TRIT1: variants seen among roughly 807,000 people sequenced by gnomAD.
TRIT1 encodes tRNA isopentenyltransferase 1.
In TRIT1, 43 loss-of-function variants were observed where a neutral mutation model predicts 51.2. That is an observed-to-expected ratio of 0.84 (90% confidence interval 0.66 to 1.08). The LOEUF is 1.08. TRIT1 is among the 50% of genes least tolerant of loss of function. The pLI is 0.00. For synonymous variants in TRIT1, 184 were observed against 203.9 expected, an observed-to-expected ratio of 0.90 and a Z score of 0.83; for missense variants, 528 against 578.4, an observed-to-expected ratio of 0.91 and a Z score of 0.89.
Position 39,857,379 on chromosome 1 carries a change from A to G in TRIT1, c.213T>C (p.Ser71=), listed in dbSNP as rs762508001. 3 of 1,614,098 alleles carry G rather than the reference A, an allele frequency of 1.9e-6. No homozygotes were observed. The highest frequency in any genetic ancestry group is 2.2e-5 in the South Asian group (2 of 91,088). The change falls in exon 2 of 11, where the codon TCT becomes TCC. Residue 71 remains serine, a synonymous_variant. Coordinates refer to ENST00000316891, the MANE Select transcript of TRIT1 (RefSeq NM_017646.6). ...GCCGGCAGATTCTCTGCTCTTGGGC[A>G]GAAACCTTGTTGGTGATGATGTCTA... ...EGLDIITNKV[S]AQEQRICRHH...
chr1:39,850,099 G>A lies in TRIT1; in HGVS notation c.703+20C>T. On this transcript the variant is annotated intron_variant, in intron 5 of 10. Coordinates refer to ENST00000316891, the MANE Select transcript of TRIT1 (RefSeq NM_017646.6). ...CAAGTTCCATCACAGATGGACTCTA[G>A]GGCATCAAAGGGCTGTTACCTGCCT... 1.2e-6 allele frequency: 2 copies of A among 1,613,552 alleles called. No individual in the cohort carries two copies. The highest frequency in any genetic ancestry group is 2.2e-5 in the South Asian group (2 of 90,984).
At chr1:39,859,512 G>T (rs1643114588) in intron 1 of TRIT1, among the ~76,000 whole-genome samples, 1 of 151,404 alleles carries the variant, frequency 6.6e-6, no homozygotes, top group South Asian at 2.1e-4. Context: ...GTGCCTGGAA[G>T]GCGGAGGCTG....
At chr1:39,842,010 T>G in intron 10 of TRIT1, 97 bp from the exon 11 acceptor site, 1 of 1,317,810 alleles carries the variant, frequency 7.6e-7, no homozygotes, top group Non-Finnish European at 1.0e-6. Context: ...TACAATGCTT[T>G]TCTTCAACAA....
At chr1:39,883,100 T>C (rs1162007476) in intron 1 of TRIT1, among the ~76,000 whole-genome samples, 1 of 152,210 alleles carries the variant, frequency 6.6e-6, no homozygotes, top group Non-Finnish European at 1.5e-5. Context: ...TAATAGTATC[T>C]ACCAAATAGT....
At chr1:39,869,719 C>A (rs998847856) in intron 1 of TRIT1, among the ~76,000 whole-genome samples, 1 of 152,044 alleles carries the variant, frequency 6.6e-6, no homozygotes, top group Non-Finnish European at 1.5e-5. Flanking sequence ...CCAGCCACGA[C>A]CCCATCTGGG....
chr1:39,873,385 A>C (rs901443740), intron 1 of TRIT1, among the ~76,000 whole-genome samples: 1 of 152,214 alleles, frequency 6.6e-6, no homozygotes, highest in African/African-American at 2.4e-5. Context: ...ACCAAAACCC[A>C]AATGGAGAGA....
rs58041605 is a variant in TRIT1 at position 39,864,597 on chromosome 1, C to CAA, written c.175-7182_175-7181dup. Among the ~76,000 whole-genome samples, 376 of 97,244 alleles carry CAA rather than the reference C, an allele frequency of 3.9e-3. 2 individuals are homozygous for CAA. Among genetic ancestry groups the CAA allele is most frequent in the Non-Finnish European group, 5.7e-3 (270 of 47,456 alleles). 63.8% of individuals were successfully genotyped at this position (97,244 alleles called of 152,430 possible). A position where few individuals can be genotyped will look rare whatever the true frequency, so the allele number is the denominator to read the frequency against. The stretch of plus-strand genomic sequence containing the variant: ...GCACTGACAGAGCGAGACTCTGTCT[C>CAA]AAAAAAAAAAAAAAAAAAAAATTAT... On this transcript the variant is annotated intron_variant, in intron 1 of 10. Coordinates refer to ENST00000316891, the MANE Select transcript of TRIT1 (RefSeq NM_017646.6).
chr1:39,843,269 A>G (rs1557526953), intron 10 of TRIT1, among the ~76,000 whole-genome samples: 1 of 152,194 alleles, frequency 6.6e-6, no homozygotes, highest in Non-Finnish European at 1.5e-5. Flanking sequence ...AGTACTCTGA[A>G]CAGAAGGATC....
intron 1 of TRIT1, among the ~76,000 whole-genome samples, chr1:39,873,831 CT>C (rs1643956459): frequency 6.6e-6 from 1 of 152,070 alleles, no homozygotes; most frequent in Non-Finnish European, 1.5e-5. Flanking sequence ...CGAGACCAGC[CT>C]GACCCACATG....
intron 1 of TRIT1, among the ~76,000 whole-genome samples, chr1:39,869,484 C>T (rs966044479): frequency 1.3e-5 from 2 of 152,216 alleles, no homozygotes; most frequent in Non-Finnish European, 2.9e-5. Flanking sequence ...CTGCCTTGGC[C>T]TCCCAAAGTG....
At chr1:39,873,197 T>C (rs953839719) in intron 1 of TRIT1, among the ~76,000 whole-genome samples, 17 of 152,222 alleles carry the variant, frequency 1.1e-4, no homozygotes, top group Admixed American at 8.5e-4. Flanking sequence ...AAATCGTGAC[T>C]TTTTCAGTGG....
intron 1 of TRIT1, among the ~76,000 whole-genome samples, chr1:39,875,318 T>A (rs909783982): frequency 6.6e-5 from 10 of 152,012 alleles, no homozygotes; most frequent in African/African-American, 2.4e-4. Flanking sequence ...TGAAACCCTG[T>A]CTCTACCAAA....
rs767201511 is a variant in TRIT1, at chr1:39,839,552, G to C, written c.*2192C>G. Among the ~76,000 whole-genome samples the C allele has an allele frequency of 6.6e-6, 1 of 152,176 alleles. No individual in the cohort carries two copies. Among genetic ancestry groups the C allele is most frequent in the Non-Finnish European group, 1.5e-5 (1 of 68,040 alleles). On this transcript the variant is annotated 3_prime_UTR_variant, in exon 11 of 11. Transcript: ENST00000316891. Reference sequence around the variant, plus strand: ...GGCACAAAAGGGGAAATCTACTCAGGGCAATGCTTCAGACCAGAGCACCAG... The same window carrying C: ...GGCACAAAAGGGGAAATCTACTCAGCGCAATGCTTCAGACCAGAGCACCAG...
At chr1:39,853,880 T>G in intron 3 of TRIT1, 90 bp downstream of exon 3, 1 of 853,136 alleles carries the variant, frequency 1.2e-6, no homozygotes, top group Non-Finnish European at 1.9e-6. Flanking sequence ...GTATAAGAAA[T>G]AGGCAAGAGT....
Position 39,852,793 on chromosome 1 carries a change from T to C in TRIT1, c.498A>G (p.Leu166=). ...KEDGLVLHKR[L]SQVDPEMAAK... ...CAGCCATTTCTGGGTCCACCTGGCTTAGGCGTTTGTGAAGTACAAGACCAT... is the reference window on the plus strand; with the variant it reads ...CAGCCATTTCTGGGTCCACCTGGCTCAGGCGTTTGTGAAGTACAAGACCAT... Residue 166 remains leucine, a synonymous_variant, in exon 4 of 11, where the codon CTA becomes CTG. Coordinates refer to ENST00000316891, the MANE Select transcript of TRIT1 (RefSeq NM_017646.6). 6.2e-7 allele frequency: 1 copy of C among 1,614,214 alleles called. No homozygotes were observed. Among genetic ancestry groups the C allele is most frequent in the Middle Eastern group, 1.6e-4 (1 of 6,062 alleles).
At chr1:39,866,469 A>G (rs61779846) in intron 1 of TRIT1, among the ~76,000 whole-genome samples, 60 of 152,356 alleles carry the variant, frequency 3.9e-4, no homozygotes, top group Non-Finnish European at 7.5e-4. Flanking sequence ...AGACAAATTC[A>G]ACTGAAGAGA....
rs575760586 is a variant in TRIT1, at chr1:39,844,269, T to A, written c.1117-51A>T. The A allele has an allele frequency of 6.3e-6, 9 of 1,423,010 alleles. No individual in the cohort carries two copies. The Admixed American group carries it at 1.2e-4, about 20-fold the overall frequency. 88.1% of individuals were successfully genotyped at this position (1,423,010 alleles called of 1,614,324 possible). On this transcript the variant is annotated intron_variant, in intron 9 of 10. Transcript: ENST00000316891. ...TATTCAATTCAAAGAGATCTGGATA[T>A]AATTCTCTATTAAGGGAAATGGGAT...
At chr1:39,874,088 T>A (rs1643968178) in intron 1 of TRIT1, among the ~76,000 whole-genome samples, 1 of 152,162 alleles carries the variant, frequency 6.6e-6, no homozygotes, top group Non-Finnish European at 1.5e-5. Context: ...CTCAGCTACT[T>A]GGAAGGTGAA....
chr1:39,869,528 G>A (rs528400940), intron 1 of TRIT1, among the ~76,000 whole-genome samples: 10 of 151,878 alleles, frequency 6.6e-5, no homozygotes, highest in East Asian at 3.9e-4. Context: ...CCGCCACCCC[G>A]TCTGGGAAGC....
Sources: gnomAD v4.1 joint callset for allele counts (sites outside exome capture counted in the v4.1 genomes callset) on GRCh38, gnomAD v4.1.1 for gene constraint, MANE v1.5 for transcripts, NCBI Gene and HGNC (gene_info 2026-07-23, HGNC 2026-07-21) for gene names.